Variants in MICU3 observed in about 807,000 individuals in gnomAD.
MICU3 encodes mitochondrial calcium uptake 3.
Under a neutral mutation model 66.5 loss-of-function variants are expected in MICU3, and 62 were observed. The ratio of observed to expected loss-of-function variants is 0.93; its 90% CI spans 0.76 to 1.15. MICU3 has a LOEUF of 1.15. Ranked by LOEUF, MICU3 falls within the 50% of genes most tolerant of loss-of-function variation. The pLI is 0.00. For synonymous variants in MICU3, 308 were observed against 240.7 expected, an observed-to-expected ratio of 1.28 and a Z score of -2.59; for missense variants, 779 against 664.4, an observed-to-expected ratio of 1.17 and a Z score of -1.90.
chr8:17,051,489 G>C (rs1426064225), intron 1 of MICU3, among the ~76,000 whole-genome samples: 2 of 152,174 alleles, frequency 1.3e-5, no homozygotes, highest in African/African-American at 4.8e-5. Context: ...ATCATCAAGT[G>C]GGTAATTGTA....
At chr8:17,110,920 T>C (rs111803628) in intron 11 of MICU3, among the ~76,000 whole-genome samples, 2 of 152,208 alleles carry the variant, frequency 1.3e-5, no homozygotes, top group Admixed American at 6.5e-5. Context: ...TATGTATCAG[T>C]ATTTCATTCT....
intron 2 of MICU3, among the ~76,000 whole-genome samples, chr8:17,069,394 G>C (rs1485329571): frequency 6.6e-6 from 1 of 152,044 alleles, no homozygotes; most frequent in East Asian, 1.9e-4. Context: ...TGTTTAACAT[G>C]GAGAAAGTTA....
rs116134336 is a variant in MICU3, at chr8:17,082,249, T to C, written c.694+509T>C. On this transcript the variant is annotated intron_variant, in intron 5 of 14. Transcript: ENST00000318063. Reference sequence around the variant, plus strand: ...TGCATTTAATGGAGACAATCTGTTATAGTTTACTGTGTTCCAGCCACCTGG... The same window carrying C: ...TGCATTTAATGGAGACAATCTGTTACAGTTTACTGTGTTCCAGCCACCTGG... Among the ~76,000 whole-genome samples the C allele has an allele frequency of 9.4e-3, 1,429 of 152,282 alleles. 18 individuals carry two copies. The highest frequency in any genetic ancestry group is 0.031 in the African/African-American group (1,306 of 41,570).
intron 1 of MICU3, among the ~76,000 whole-genome samples, chr8:17,048,389 T>C (rs571643193): frequency 6.6e-6 from 1 of 151,990 alleles, no homozygotes; most frequent in Non-Finnish European, 1.5e-5. Context: ...CAAAATCACA[T>C]CTTACATGGA....
intron 3 of MICU3, among the ~76,000 whole-genome samples, chr8:17,073,336 C>G (rs796846513): frequency 1.3e-5 from 2 of 152,070 alleles, no homozygotes; most frequent in South Asian, 4.1e-4. Context: ...AGATCAGTGG[C>G]AGCATTAGAT....
At chr8:17,124,822 G>C (rs1803363574), downstream of MICU3, among the ~76,000 whole-genome samples, 1 of 151,884 alleles carries the variant, frequency 6.6e-6, no homozygotes, top group Non-Finnish European at 1.5e-5. Flanking sequence ...CTGTCTTCCA[G>C]CTTCCAGTTT....
At chr8:17,136,320 A>G in the MICU3 span, among the ~76,000 whole-genome samples, 2 of 152,082 alleles carry the variant, frequency 1.3e-5, no homozygotes, top group South Asian at 2.1e-4. Flanking sequence ...ATTTTTCATT[A>G]TTTTATTGTA....
chr8:17,123,677 C>G (rs796290936), downstream of MICU3, among the ~76,000 whole-genome samples: 20 of 151,536 alleles, frequency 1.3e-4, 1 homozygote, highest in African/African-American at 4.1e-4. Context: ...TATCATATCC[C>G]AATACATGGG....
At chr8:17,037,089 C>T (rs1032846073) in intron 1 of MICU3, among the ~76,000 whole-genome samples, 7 of 152,228 alleles carry the variant, frequency 4.6e-5, no homozygotes, top group Admixed American at 4.6e-4. Flanking sequence ...CCGGGGCCAG[C>T]AGGGCTGGCC....
chr8:17,033,270 G>C (rs1378937732), intron 1 of MICU3, among the ~76,000 whole-genome samples: 1 of 152,196 alleles, frequency 6.6e-6, no homozygotes, highest in Non-Finnish European at 1.5e-5. Context: ...GAATGCAGCG[G>C]AAAAGTTTTT....
intron 1 of MICU3, among the ~76,000 whole-genome samples, chr8:17,055,794 AC>A (rs1172538037): frequency 2.0e-5 from 3 of 152,216 alleles, no homozygotes; most frequent in African/African-American, 7.2e-5. Context: ...AGAAAGACAC[AC>A]ACTTGTGTTG....
intron 11 of MICU3, among the ~76,000 whole-genome samples, chr8:17,108,322 T>C (rs1801912253): frequency 1.3e-5 from 2 of 152,134 alleles, no homozygotes; most frequent in Admixed American, 1.3e-4. Context: ...TAGTCATTAG[T>C]GTATATCCAC....
Position 17,114,219 on chromosome 8 carries a change from A to G in MICU3, c.1366+18A>G, listed in dbSNP as rs1210804037. The G allele has an allele frequency of 5.4e-6, 8 of 1,489,736 alleles. No homozygotes were observed. The highest frequency in any genetic ancestry group is 1.8e-4 in the Middle Eastern group (1 of 5,418). 92.3% of individuals were successfully genotyped at this position (1,489,736 alleles called of 1,614,324 possible). ...AGGGCAAGGTAAGTAATCATCTACA[A>G]AAATTAAAAGCAAGAAGTAATACTA... On this transcript the variant is annotated intron_variant, in intron 12 of 14. Transcript: ENST00000318063.
intron 1 of MICU3, among the ~76,000 whole-genome samples, chr8:17,060,325 C>G (rs1475577996): frequency 1.3e-5 from 2 of 150,442 alleles, no homozygotes; most frequent in Non-Finnish European, 2.9e-5. Flanking sequence ...GAGACAGAGT[C>G]TCGTGCTGTC....
chr8:17,063,091 A>T (rs1818115958), intron 1 of MICU3, among the ~76,000 whole-genome samples: 1 of 152,186 alleles, frequency 6.6e-6, no homozygotes, highest in African/African-American at 2.4e-5. Context: ...GACACAGGAA[A>T]ATGGCCCCGA....
chr8:17,067,969 A>G (rs1327458352), intron 2 of MICU3, among the ~76,000 whole-genome samples: 3 of 152,186 alleles, frequency 2.0e-5, no homozygotes, highest in African/African-American at 7.2e-5. Flanking sequence ...ATACTTAAAT[A>G]GAACCTAAAT....
At chr8:17,031,577 C>T (rs1432962951) in intron 1 of MICU3, among the ~76,000 whole-genome samples, 1 of 152,138 alleles carries the variant, frequency 6.6e-6, no homozygotes, top group African/African-American at 2.4e-5. Context: ...TGAGCCGCTG[C>T]ACCCAGCCCA....
At chr8:17,132,570 G>A in the MICU3 span, 3 of 152,196 alleles carry the variant, frequency 2.0e-5, no homozygotes, top group Non-Finnish European at 2.9e-5. Context: ...TGGCAATAGG[G>A]ATCAGTCACT....
rs542510467 is a variant in MICU3 at position 17,044,012 on chromosome 8, C to T, written c.381+16352C>T. ...TGAAGTTATTCTGAATTATAGCAGT[C>T]GTTTATAAATATTCTAAAACCTTAG... is the stretch of plus-strand genomic sequence containing the variant. On this transcript the variant is annotated intron_variant, in intron 1 of 14. Transcript: ENST00000318063. Among the ~76,000 whole-genome samples the T allele has an allele frequency of 7.9e-5, 12 of 152,272 alleles. No homozygotes were observed. The South Asian group carries it at 2.3e-3, about 29-fold the overall frequency.
Sources: allele counts gnomAD v4.1 joint callset (sites outside exome capture counted in the v4.1 genomes callset), GRCh38; gene constraint gnomAD v4.1.1; transcripts MANE v1.5; gene names NCBI Gene and HGNC (gene_info 2026-07-23, HGNC 2026-07-21).